Variants in NELL2 observed in about 807,000 individuals in gnomAD.
The protein encoded by NELL2 is neural EGFL like 2.
Under a neutral mutation model 109.6 loss-of-function variants are expected in NELL2, and 41 were observed. The ratio of observed to expected loss-of-function variants is 0.37; its 90% CI spans 0.29 to 0.49. The LOEUF is 0.49. Ranked by LOEUF, NELL2 falls within the 20% of genes least tolerant of loss-of-function variation. The pLI, the probability that NELL2 is intolerant of heterozygous loss-of-function variation, is 0.98. For synonymous variants in NELL2, 355 were observed against 344.7 expected, an observed-to-expected ratio of 1.03 and a Z score of -0.33; for missense variants, 900 against 1,008.3, an observed-to-expected ratio of 0.89 and a Z score of 1.45.
chr12:44,781,139 A>G (rs1028225213), intron 3 of NELL2, among the ~76,000 whole-genome samples: 1 of 152,136 alleles, frequency 6.6e-6, no homozygotes, highest in Non-Finnish European at 1.5e-5. Flanking sequence ...AACAATTATG[A>G]AAAGACTTAA....
chr12:44,698,290 T>C (rs1447471932), intron 12 of NELL2, among the ~76,000 whole-genome samples: 9 of 152,094 alleles, frequency 5.9e-5, no homozygotes, highest in Non-Finnish European at 1.0e-4. Flanking sequence ...AATTCATAAC[T>C]CAGATGAATC....
chr12:44,777,224 A>G lies in NELL2; in HGVS notation c.679+18T>C. On this transcript the variant is annotated intron_variant, in intron 6 of 19. Coordinates refer to ENST00000429094, the MANE Select transcript of NELL2 (RefSeq NM_001145108.2). ...GTAATATATGGGGACTCCACAGTGC[A>G]AGAACTAATAGACTTACTGCGATTA... 6.2e-7 allele frequency: 1 copy of G among 1,612,664 alleles called. No individual in the cohort carries two copies. The highest frequency in any genetic ancestry group is 8.5e-7 in the Non-Finnish European group (1 of 1,178,652).
chr12:44,843,026 C>T (rs141614319), intron 2 of NELL2, among the ~76,000 whole-genome samples: 3,327 of 152,134 alleles, frequency 0.022, 85 homozygotes, highest in Admixed American at 0.069. Flanking sequence ...TGTTGTTTTA[C>T]GCTACTAAGT....
At chr12:44,536,699 G>T (rs1210503958) in intron 15 of NELL2, among the ~76,000 whole-genome samples, 1 of 151,832 alleles carries the variant, frequency 6.6e-6, no homozygotes, top group Non-Finnish European at 1.5e-5. Context: ...TAAATTTCAT[G>T]AGTTTTATAA....
chr12:44,532,159 T>C (rs1410397332), intron 16 of NELL2, among the ~76,000 whole-genome samples: 1 of 152,140 alleles, frequency 6.6e-6, no homozygotes, highest in Non-Finnish European at 1.5e-5. Context: ...TAGCCCTGAG[T>C]AGCATGCATT....
chr12:44,845,267 T>C (rs1387850726), intron 2 of NELL2, among the ~76,000 whole-genome samples: 2 of 152,190 alleles, frequency 1.3e-5, no homozygotes, highest in East Asian at 3.8e-4. Flanking sequence ...ATAGTGCCCA[T>C]TAACTGAGTA....
At chr12:44,580,002 T>C (rs1944265286) in intron 15 of NELL2, among the ~76,000 whole-genome samples, 1 of 152,218 alleles carries the variant, frequency 6.6e-6, no homozygotes, top group Non-Finnish European at 1.5e-5. Flanking sequence ...ATATACATTA[T>C]TTAACTATCC....
intron 1 of NELL2, among the ~76,000 whole-genome samples, chr12:44,895,365 A>C (rs1348807365): frequency 1.3e-5 from 2 of 152,184 alleles, no homozygotes; most frequent in African/African-American, 4.8e-5. Context: ...CTCAATTTGG[A>C]TCTAAGATTT....
intron 13 of NELL2, among the ~76,000 whole-genome samples, chr12:44,656,433 A>G (rs1947501994): frequency 6.6e-6 from 1 of 152,198 alleles, no homozygotes; most frequent in African/African-American, 2.4e-5. Flanking sequence ...CTCAGTTTAA[A>G]ATTAACCAGA....
At chr12:44,808,536 T>C (rs1430041427) in intron 3 of NELL2, among the ~76,000 whole-genome samples, 2 of 152,144 alleles carry the variant, frequency 1.3e-5, no homozygotes, top group East Asian at 3.9e-4. Context: ...AGTTTTTTAA[T>C]TATGTAGAAA....
intron 2 of NELL2, among the ~76,000 whole-genome samples, chr12:44,846,347 A>T (rs1944369258): frequency 6.6e-6 from 1 of 152,212 alleles, no homozygotes; most frequent in Admixed American, 6.5e-5. Context: ...ATCAACACGG[A>T]TGCTCTGTTT....
intron 13 of NELL2, among the ~76,000 whole-genome samples, chr12:44,614,093 T>C (rs1489058664): frequency 6.6e-6 from 1 of 152,054 alleles, no homozygotes; most frequent in Non-Finnish European, 1.5e-5. Flanking sequence ...AAGGCAGACA[T>C]TCAGGTCTGA....
chr12:44,634,652 T>C (rs920320820), intron 13 of NELL2, among the ~76,000 whole-genome samples: 4 of 152,234 alleles, frequency 2.6e-5, no homozygotes, highest in Non-Finnish European at 5.9e-5. Flanking sequence ...TGTGTCTTTA[T>C]ATTAGAATGA....
At position 44,566,706 on chromosome 12, in the gene NELL2, G is replaced by T. The variant is rs1199394547; in HGVS notation, c.1664-33985C>A. Among the ~76,000 whole-genome samples, 3 of 152,120 alleles carry T rather than the reference G, an allele frequency of 2.0e-5. No individual in the cohort carries two copies. In the South Asian group the frequency reaches 6.2e-4, roughly 31 times the overall value. On this transcript the variant is annotated intron_variant, in intron 15 of 19. Transcript: ENST00000429094. The stretch of plus-strand genomic sequence containing the variant: ...AATGACTGTGGTCTAAGACAAATTT[G>T]CTAACTTTGCTGACAGAGTTTCATC...
chr12:44,534,896 A>G (rs923099818), intron 15 of NELL2, among the ~76,000 whole-genome samples: 2 of 152,046 alleles, frequency 1.3e-5, no homozygotes, highest in Non-Finnish European at 2.9e-5. Flanking sequence ...CTACCTTGAC[A>G]TAGTAATAAG....
At chr12:44,770,771 T>C (rs993050819) in intron 9 of NELL2, among the ~76,000 whole-genome samples, 7 of 152,174 alleles carry the variant, frequency 4.6e-5, no homozygotes. Context: ...TCTCTAACAA[T>C]GGAGGAAAGA....
intron 11 of NELL2, among the ~76,000 whole-genome samples, chr12:44,705,057 G>GT (rs1937791813): frequency 6.7e-6 from 1 of 148,800 alleles, no homozygotes; most frequent in Non-Finnish European, 1.5e-5. Context: ...TATATTTCAT[G>GT]TATCTTAGAA....
At chr12:44,569,080 G>T (rs917243306) in intron 15 of NELL2, among the ~76,000 whole-genome samples, 1 of 152,004 alleles carries the variant, frequency 6.6e-6, no homozygotes, top group African/African-American at 2.4e-5. Context: ...TTTCCTCTAC[G>T]TGTCAATGTC....
chr12:44,696,531 TAATA>T (rs1468890603), intron 12 of NELL2, among the ~76,000 whole-genome samples: 2 of 152,240 alleles, frequency 1.3e-5, no homozygotes, highest in Non-Finnish European at 2.9e-5. Flanking sequence ...ACATACAATT[TAATA>T]AATAATGAAT....
Sources: gnomAD v4.1 joint callset for allele counts (sites outside exome capture counted in the v4.1 genomes callset) on GRCh38, gnomAD v4.1.1 for gene constraint, MANE v1.5 for transcripts, NCBI Gene and HGNC (gene_info 2026-07-23, HGNC 2026-07-21) for gene names.